TDRD3: variants seen among roughly 807,000 people sequenced by gnomAD.
TDRD3 encodes tudor domain containing 3.
In TDRD3, 45 loss-of-function variants were observed where a neutral mutation model predicts 86.7. The observed-to-expected ratio is 0.52, with a 90% CI of 0.41 to 0.67. The LOEUF is 0.67. Among genes scored for constraint, TDRD3 ranks in the 30% least tolerant of loss-of-function variants. The pLI is 0.00. For synonymous variants in TDRD3, 298 were observed against 301.7 expected, an observed-to-expected ratio of 0.99 and a Z score of 0.13; for missense variants, 814 against 889.0, an observed-to-expected ratio of 0.92 and a Z score of 1.07.
At chr13:60,487,060 G>T (rs144451576) in intron 7 of TDRD3, among the ~76,000 whole-genome samples, 1 of 152,062 alleles carries the variant, frequency 6.6e-6, no homozygotes, top group Non-Finnish European at 1.5e-5. Context: ...TGGTGGGGGC[G>T]GGGAAGGATG....
chr13:60,454,360 T>G (rs899754718), intron 3 of TDRD3, among the ~76,000 whole-genome samples: 1 of 152,182 alleles, frequency 6.6e-6, no homozygotes, highest in Non-Finnish European at 1.5e-5. Flanking sequence ...ACTTACAAAT[T>G]CTCAAGTCCT....
At chr13:60,566,097 T>G (rs1958453028) in intron 12 of TDRD3, among the ~76,000 whole-genome samples, 1 of 152,168 alleles carries the variant, frequency 6.6e-6, no homozygotes, top group Non-Finnish European at 1.5e-5. Flanking sequence ...ATCATTAATT[T>G]TTGGCTATTG....
At chr13:60,544,695 T>C (rs1171528762) in intron 12 of TDRD3, among the ~76,000 whole-genome samples, 1 of 152,144 alleles carries the variant, frequency 6.6e-6, no homozygotes, top group Non-Finnish European at 1.5e-5. Flanking sequence ...CTCTTATTAG[T>C]ACTTAACTGC....
chr13:60,547,317 C>G lies in TDRD3; in HGVS notation c.2118+12084C>G, dbSNP rs1237112313. ...GAAAAGGGATCTCTGAGGTGAATAT[C>G]TGCTCTGCTTGGCCTTTGAGAGAAG... On this transcript the variant is annotated intron_variant, in intron 12 of 13. Coordinates refer to ENST00000377881, the MANE Select transcript of TDRD3 (RefSeq NM_001146070.2). 1.6e-5 allele frequency: 16 copies of G among 985,244 alleles called. No homozygotes were observed. The Admixed American group carries it at 9.8e-4, about 61-fold the overall frequency. The allele number at this position is 985,244 out of a possible 1,614,324, so 61.0% of individuals were successfully genotyped here. A position where few individuals can be genotyped will look rare whatever the true frequency, so the allele number is the denominator to read the frequency against.
chr13:60,533,122 A>G (rs1458790908), intron 11 of TDRD3, among the ~76,000 whole-genome samples: 2 of 152,202 alleles, frequency 1.3e-5, no homozygotes, highest in African/African-American at 4.8e-5. Flanking sequence ...ATAGGAAGGT[A>G]TAACAAGAAT....
intron 1 of TDRD3, among the ~76,000 whole-genome samples, chr13:60,420,900 C>T (rs146013642): frequency 5.0e-4 from 76 of 152,242 alleles, no homozygotes; most frequent in African/African-American, 9.1e-4. Flanking sequence ...GCCGAGATCA[C>T]GTCACTGTGC....
intron 10 of TDRD3, among the ~76,000 whole-genome samples, chr13:60,515,474 A>G (rs564300414): frequency 2.6e-5 from 4 of 152,326 alleles, no homozygotes; most frequent in African/African-American, 9.6e-5. Context: ...AAAGTGATAC[A>G]CACACACATA....
At chr13:60,525,333 C>T (rs1957402520) in intron 10 of TDRD3, among the ~76,000 whole-genome samples, 1 of 151,152 alleles carries the variant, frequency 6.6e-6, no homozygotes, top group African/African-American at 2.4e-5. Flanking sequence ...GCCACCAAGC[C>T]TGGCTAATTT....
At chr13:60,556,655 A>G (rs1958193642) in intron 12 of TDRD3, among the ~76,000 whole-genome samples, 1 of 152,188 alleles carries the variant, frequency 6.6e-6, no homozygotes, top group South Asian at 2.1e-4. Context: ...TATATTGCCT[A>G]ATAGAGTACC....
At chr13:60,535,053 T>C in intron 11 of TDRD3, 55 bp from the exon 12 acceptor site, 1 of 1,589,922 alleles carries the variant, frequency 6.3e-7, no homozygotes, top group South Asian at 1.1e-5. Flanking sequence ...CCTCAAATAT[T>C]GCCCTTTATA....
chr13:60,489,244 A>T (rs1411117819), intron 7 of TDRD3, among the ~76,000 whole-genome samples: 2 of 152,100 alleles, frequency 1.3e-5, no homozygotes, highest in African/African-American at 4.8e-5. Flanking sequence ...CTAGTTATTT[A>T]TTGATTTCTT....
At chr13:60,397,458 A>T in intron 1 of TDRD3, 53 bp downstream of exon 1, 1 of 1,443,388 alleles carries the variant, frequency 6.9e-7, no homozygotes, top group Non-Finnish European at 9.1e-7. Context: ...CCGGGGCCCC[A>T]GGGAGGTTGG....
chr13:60,505,759 A>G (rs1184922366), intron 8 of TDRD3, among the ~76,000 whole-genome samples: 1 of 152,264 alleles, frequency 6.6e-6, no homozygotes, highest in Non-Finnish European at 1.5e-5. Context: ...AGCCGAATTG[A>G]TAAAGTGGAA....
chr13:60,489,277 G>A (rs990009729), intron 7 of TDRD3, among the ~76,000 whole-genome samples: 6 of 152,068 alleles, frequency 3.9e-5, no homozygotes, highest in African/African-American at 1.4e-4. Context: ...GAAATTTTAG[G>A]TCATAAATTA....
intron 12 of TDRD3, chr13:60,537,270 T>G (rs1206948529): frequency 1.3e-5 from 2 of 152,090 alleles, no homozygotes; most frequent in Admixed American, 6.6e-5. Context: ...ATCATGCACA[T>G]TATGATCAGC....
At chr13:60,531,750 G>GA (rs1208102328) in intron 11 of TDRD3, among the ~76,000 whole-genome samples, 1 of 151,790 alleles carries the variant, frequency 6.6e-6, no homozygotes, top group Non-Finnish European at 1.5e-5. Context: ...GTTTTACTGG[G>GA]AAAAAAATAA....
intron 1 of TDRD3, among the ~76,000 whole-genome samples, chr13:60,436,376 T>C (rs1288291542): frequency 6.6e-6 from 1 of 152,082 alleles, no homozygotes; most frequent in East Asian, 1.9e-4. Flanking sequence ...TTCTAAACCA[T>C]GAAAATGTTT....
At chr13:60,460,774 G>GCA in intron 4 of TDRD3, 2 of 293,718 alleles carry the variant, frequency 6.8e-6, no homozygotes, top group Non-Finnish European at 1.2e-5. Context: ...GGAGGCCAAG[G>GCA]GGGACGGATC....
At chr13:60,555,626 GT>G (rs1846735254) in intron 12 of TDRD3, among the ~76,000 whole-genome samples, 1 of 152,050 alleles carries the variant, frequency 6.6e-6, no homozygotes, top group African/African-American at 2.4e-5. Context: ...GAGAATTTTT[GT>G]ATGAATTTAA....
Sources: allele counts gnomAD v4.1 joint callset (sites outside exome capture counted in the v4.1 genomes callset), GRCh38; gene constraint gnomAD v4.1.1; transcripts MANE v1.5; gene names NCBI Gene and HGNC (gene_info 2026-07-23, HGNC 2026-07-21).